KCNC1: variants seen among roughly 807,000 people sequenced by gnomAD.
The protein encoded by KCNC1 is voltage-gated potassium channel KCNC1.
In KCNC1, 8 loss-of-function variants were observed where a neutral mutation model predicts 43.4. That is an observed-to-expected ratio of 0.18 (90% CI 0.11 to 0.33). The LOEUF (loss-of-function observed/expected upper bound fraction) is 0.33. Ranked by LOEUF, KCNC1 falls within the 10% of genes least tolerant of loss-of-function variation. The pLI is 1.00. For synonymous variants in KCNC1, 361 were observed against 360.5 expected (o/e 1.00, Z -0.01); for missense variants, 420 against 836.0 (o/e 0.50, Z 6.14).
In KCNC1 at chr11:17,736,185, C is replaced by T. The variant is rs1565152688; in HGVS notation, c.183C>T (p.Pro61=). 1.2e-6 allele frequency: 2 copies of T among 1,613,750 alleles called. No homozygotes were observed. Among genetic ancestry groups the T allele is most frequent in the Non-Finnish European group, 1.7e-6 (2 of 1,179,826 alleles). The part of the protein sequence containing the change: ...RADEFFFDRH[P]GVFAHILNYY... ...ACGAGTTCTTCTTCGACCGCCACCC[C>T]GGCGTCTTCGCGCACATCCTGAACT... Residue 61 remains proline (P), a synonymous_variant, in exon 1 of 4, where the codon CCC becomes CCT. Transcript: ENST00000265969. The surrounding 1 kb of genome is among the most constrained non-coding windows in gnomAD (Gnocchi z 9.3).
chr11:17,736,990 C>T lies in KCNC1; in HGVS notation c.570+418C>T, dbSNP rs184062581. On this transcript the variant is annotated intron_variant, in intron 1 of 3. Transcript: ENST00000265969. This position sits in a 1 kb window ranked among gnomAD's most constrained non-coding sequence, Gnocchi z 9.3. ...GCACTGTCAAAGTATGGACTGCTCT[C>T]GAGATTTCAGTGTGGGGAGGGAAGC... 1.3e-5 allele frequency among the ~76,000 whole-genome samples: 2 copies of T among 152,152 alleles called. No homozygotes were observed. Among genetic ancestry groups the T allele is most frequent in the East Asian group, 1.9e-4 (1 of 5,194 alleles).
intron 1 of KCNC1, among the ~76,000 whole-genome samples, chr11:17,754,969 G>A (rs995141183): frequency 8.5e-5 from 13 of 152,124 alleles, no homozygotes; most frequent in Non-Finnish European, 1.8e-4. Flanking sequence ...AGGAAAGTTG[G>A]CATCTTAGAT....
Position 17,781,928 on chromosome 11 carries a change from CCTT to C in KCNC1, c.*198_*200del. ...TAACTGACCGTAGAGGATTTCTTTTCCTTCTTTTCATTTTTTAAAATTTTATTT... is the reference window on the plus strand; with the variant it reads ...TAACTGACCGTAGAGGATTTCTTTTCCTTTTCATTTTTTAAAATTTTATTT... On this transcript the variant is annotated 3_prime_UTR_variant, in exon 4 of 4. Transcript: ENST00000265969. This position sits in a 1 kb window ranked among gnomAD's most constrained non-coding sequence, Gnocchi z 5.1. The C allele has an allele frequency of 2.2e-6, 1 of 459,094 alleles. No homozygotes were observed. The highest frequency in any genetic ancestry group is 3.8e-6 in the Non-Finnish European group (1 of 260,716). The allele number at this position is 459,094 out of a possible 1,614,324, so 28.4% of individuals were successfully genotyped here. A position where few individuals can be genotyped will look rare whatever the true frequency, so the allele number is the denominator to read the frequency against.
Position 17,735,742 on chromosome 11 carries a change from C to T in KCNC1, c.-261C>T, listed in dbSNP as rs1464479212. On this transcript the variant is annotated 5_prime_UTR_variant, in exon 1 of 4. Transcript: ENST00000265969. The surrounding 1 kb of genome is among the most constrained non-coding windows in gnomAD (Gnocchi z 6.7). ...CTTCTTTCCTCCTCTGCCTCCTCCG[C>T]TGCCGGACCAGCTCCCTCCCACATC... 1 of 337,976 alleles carries T rather than the reference C, an allele frequency of 3.0e-6. No individual in the cohort carries two copies. Among genetic ancestry groups the T allele is most frequent in the Non-Finnish European group, 5.3e-6 (1 of 188,312 alleles). The allele number at this position is 337,976 out of a possible 1,614,324, so 20.9% of individuals were successfully genotyped here. A position where few individuals can be genotyped will look rare whatever the true frequency, so the allele number is the denominator to read the frequency against.
intron 2 of KCNC1, chr11:17,774,052 C>T: frequency 1.0e-6 from 1 of 985,528 alleles, no homozygotes; most frequent in Non-Finnish European, 1.2e-6. Context: ...CACAGCTATG[C>T]TGGCCCGAGC....
intron 1 of KCNC1, among the ~76,000 whole-genome samples, chr11:17,745,398 T>C (rs1848887310): frequency 6.6e-6 from 1 of 152,186 alleles, no homozygotes; most frequent in Admixed American, 6.5e-5. Context: ...GTTGTCTTCA[T>C]GTTTCAAGTA....
chr11:17,779,409 C>T lies in KCNC1; in HGVS notation c.1505-47C>T, dbSNP rs1249257026. On this transcript the variant is annotated intron_variant, in intron 2 of 3. Coordinates refer to ENST00000265969, the MANE Select transcript of KCNC1 (RefSeq NM_001112741.2). This position sits in a 1 kb window ranked among gnomAD's most constrained non-coding sequence, Gnocchi z 7.2. ...CTGGCCTGTCCCCCCCTGCCCCCCA[C>T]TAAACAGTTTTCAGTGTCTCAATAG... 1 of 1,414,158 alleles carries T rather than the reference C, an allele frequency of 7.1e-7. No homozygotes were observed. Among genetic ancestry groups the T allele is most frequent in the Non-Finnish European group, 9.3e-7 (1 of 1,076,306 alleles). 87.6% of individuals were successfully genotyped at this position (1,414,158 alleles called of 1,614,324 possible).
chr11:17,747,291 C>T (rs530542334), intron 1 of KCNC1, among the ~76,000 whole-genome samples: 5 of 152,286 alleles, frequency 3.3e-5, no homozygotes, highest in Non-Finnish European at 5.9e-5. Flanking sequence ...TGGTTATGGG[C>T]CGCTTGTCCC....
intron 1 of KCNC1, among the ~76,000 whole-genome samples, chr11:17,762,570 G>A (rs968277899): frequency 2.6e-5 from 4 of 152,200 alleles, no homozygotes; most frequent in Admixed American, 6.5e-5. Flanking sequence ...CGGTCCTGCC[G>A]TTTCTGCTCC....
chr11:17,778,926 G>C (rs555387531), intron 2 of KCNC1, among the ~76,000 whole-genome samples: 1 of 152,198 alleles, frequency 6.6e-6, no homozygotes, highest in South Asian at 2.1e-4. Context: ...ATGGGAGATG[G>C]GGTAGAGTAG....
In KCNC1 at chr11:17,742,438, T is replaced by TCTCATG. The variant is rs1439732339; in HGVS notation, c.570+5867_570+5872dup. On this transcript the variant is annotated intron_variant, in intron 1 of 3. Coordinates refer to ENST00000265969, the MANE Select transcript of KCNC1 (RefSeq NM_001112741.2). This position sits in a 1 kb window ranked among gnomAD's most constrained non-coding sequence, Gnocchi z 4.2. ...TAATGCCTCTGGCTATTCTGAGCGG[T>TCTCATG]CTCATGACCAGGGGATTCACTCTAG... 2.0e-5 allele frequency among the ~76,000 whole-genome samples: 3 copies of TCTCATG among 152,158 alleles called. No homozygotes were observed. Among genetic ancestry groups the TCTCATG allele is most frequent in the African/African-American group, 7.2e-5 (3 of 41,432 alleles).
intron 1 of KCNC1, among the ~76,000 whole-genome samples, chr11:17,770,090 T>C (rs1849205963): frequency 1.3e-5 from 2 of 152,334 alleles, no homozygotes; most frequent in South Asian, 2.1e-4. Flanking sequence ...CCTGTGACCA[T>C]GGTTAATCCA....
chr11:17,779,260 G>A lies in KCNC1; in HGVS notation c.1505-196G>A, dbSNP rs938399559. 15 of 541,414 alleles carry A rather than the reference G, an allele frequency of 2.8e-5. No individual in the cohort carries two copies. Among genetic ancestry groups the A allele is most frequent in the African/African-American group, 1.5e-4 (8 of 52,300 alleles). The allele number at this position is 541,414 out of a possible 1,614,324, so 33.5% of individuals were successfully genotyped here. A position where few individuals can be genotyped will look rare whatever the true frequency, so the allele number is the denominator to read the frequency against. On this transcript the variant is annotated intron_variant, in intron 2 of 3. Transcript: ENST00000265969. The surrounding 1 kb of genome is among the most constrained non-coding windows in gnomAD (Gnocchi z 7.2). Reference sequence around the variant, plus strand: ...CCACTCCCAGCACTGTGGGCAGCCCGAAGGCTGCCTGAATGAGCTGAACCC... The same window carrying A: ...CCACTCCCAGCACTGTGGGCAGCCCAAAGGCTGCCTGAATGAGCTGAACCC...
At chr11:17,775,955 G>A in intron 2 of KCNC1, 3 of 985,252 alleles carry the variant, frequency 3.0e-6, no homozygotes, top group Non-Finnish European at 3.6e-6. Context: ...GGCAGCAGTG[G>A]CTGCCCAGTG....
At chr11:17,748,177 A>C (rs974895290) in intron 1 of KCNC1, among the ~76,000 whole-genome samples, 2 of 152,060 alleles carry the variant, frequency 1.3e-5, no homozygotes, top group Non-Finnish European at 2.9e-5. Flanking sequence ...GGCAGTTTTA[A>C]CTCGTGCGGC....
intron 1 of KCNC1, among the ~76,000 whole-genome samples, chr11:17,766,367 C>G (rs1232428584): frequency 6.6e-6 from 1 of 152,124 alleles, no homozygotes; most frequent in African/African-American, 2.4e-5. Context: ...CTCTGCGTCA[C>G]TGTGTGTGTT....
At position 17,772,561 on chromosome 11, in the gene KCNC1, G is replaced by C; in HGVS notation, c.1467G>C (p.Pro489=). 6.2e-7 allele frequency: 1 copy of C among 1,613,430 alleles called. No homozygotes were observed. The highest frequency in any genetic ancestry group is 1.3e-5 in the African/African-American group (1 of 75,006). The stretch of plus-strand genomic sequence containing the variant: ...ACAGTACTCAGAGTGACACATGTCC[G>C]CTGGCCCAGGAAGAAATTTTAGAAA... ...PHHSTQSDTC[P]LAQEEILEIN... is the part of the protein sequence containing the mutation. Residue 489 remains proline (P), a synonymous_variant, in exon 2 of 4, where the codon CCG becomes CCC. Transcript: ENST00000265969.
chr11:17,754,566 G>T lies in KCNC1; in HGVS notation c.571-17099G>T, dbSNP rs144899093. Reference sequence around the variant, plus strand: ...CCATTATGCAACTAGAGGGAGTGAGGCAAGTGGACATAGGACCCATGTCCA... The same window carrying T: ...CCATTATGCAACTAGAGGGAGTGAGTCAAGTGGACATAGGACCCATGTCCA... On this transcript the variant is annotated intron_variant, in intron 1 of 3. Coordinates refer to ENST00000265969, the MANE Select transcript of KCNC1 (RefSeq NM_001112741.2). Among the ~76,000 whole-genome samples the T allele has an allele frequency of 6.7e-3, 1,020 of 152,316 alleles. 10 individuals carry two copies. The highest frequency in any genetic ancestry group is 8.4e-3 in the Non-Finnish European group (570 of 68,034).
intron 2 of KCNC1, 103 bp downstream of exon 2, chr11:17,772,701 C>A (rs1426900622): frequency 6.5e-7 from 1 of 1,531,686 alleles, no homozygotes; most frequent in Non-Finnish European, 8.8e-7. Flanking sequence ...CCGTGGGTGA[C>A]CCCGGACCCC....
Sources: gnomAD v4.1 joint callset for allele counts (sites outside exome capture counted in the v4.1 genomes callset) on GRCh38, gnomAD v4.1.1 for gene constraint, Gnocchi (gnomAD v3.1) non-coding constraint, MANE v1.5 for transcripts, NCBI Gene and HGNC (gene_info 2026-07-23, HGNC 2026-07-21) for gene names.